Variants in NAV2 observed in about 807,000 individuals in gnomAD.
NAV2 encodes neuron navigator 2.
In NAV2, 54 loss-of-function variants were observed where a neutral mutation model predicts 223.2. The ratio of observed to expected loss-of-function variants is 0.24; its 90% CI spans 0.19 to 0.30. The LOEUF (loss-of-function observed/expected upper bound fraction) is 0.30, where lower values mean the gene tolerates loss of function less well. Ranked by LOEUF, NAV2 falls within the 10% of genes least tolerant of loss-of-function variation. The probability of loss-of-function intolerance (pLI) is 1.00; values close to 1 mark genes in which losing one functional copy is unlikely to be tolerated. For missense variants in NAV2, 2,806 were observed against 3,147.5 expected (o/e 0.89, Z 2.60); for synonymous variants, 1,279 against 1,239.3 (o/e 1.03, Z -0.67).
chr11:19,361,501 G>T (rs1853939616), intron 1 of NAV2, among the ~76,000 whole-genome samples: 1 of 151,998 alleles, frequency 6.6e-6, no homozygotes, highest in Non-Finnish European at 1.5e-5. Flanking sequence ...TTGCTTTTGG[G>T]GATGGGGGGA....
Position 19,992,568 on chromosome 11 carries a change from C to T in NAV2, c.2768+8321C>T, listed in dbSNP as rs563507233. On this transcript the variant is annotated intron_variant, in intron 11 of 37. Coordinates refer to ENST00000349880, the MANE Select transcript of NAV2 (RefSeq NM_145117.5). The stretch of plus-strand genomic sequence containing the variant: ...ACCTGAGGGTCAGAGAGAGTATAAT[C>T]ATGCTCCTGAAGTACTTTTTTTTTT... 7.4e-5 allele frequency among the ~76,000 whole-genome samples: 11 copies of T among 148,528 alleles called. No individual in the cohort carries two copies. In the South Asian group the frequency reaches 2.4e-3, roughly 32 times the overall value.
rs1700154767 is a variant in NAV2, at chr11:20,082,742, C to G, written c.5326-265C>G. On this transcript the variant is annotated intron_variant, in intron 25 of 37. Transcript: ENST00000349880. ...TCTTCCCAACATCCATCTGCTGAGC[C>G]AGACTCTGTGTTGCTGTTGGCATCT... 3 of 955,988 alleles carry G rather than the reference C, an allele frequency of 3.1e-6. No individual in the cohort carries two copies. In the South Asian group the frequency reaches 4.3e-5, roughly 14 times the overall value. 59.2% of individuals were successfully genotyped at this position (955,988 alleles called of 1,614,324 possible).
At chr11:20,027,407 T>C (rs35768742) in intron 11 of NAV2, 28,358 of 985,490 alleles carry the variant, frequency 0.029, 448 homozygotes, top group East Asian at 0.048. Context: ...GCGGGGGGCA[T>C]GGGCCAGCCC....
chr11:19,349,965 C>G (rs188860494), upstream of NAV2, among the ~76,000 whole-genome samples: 1 of 152,090 alleles, frequency 6.6e-6, no homozygotes, highest in Non-Finnish European at 1.5e-5. Context: ...CCCTGAGGAC[C>G]CTGGTGTCTC....
intron 1 of NAV2, among the ~76,000 whole-genome samples, chr11:19,719,114 T>C (rs2050549756): frequency 6.6e-6 from 1 of 152,214 alleles, no homozygotes; most frequent in Non-Finnish European, 1.5e-5. Context: ...CCAGTGGAAC[T>C]CTTGGAACCA....
rs147417218 is a variant in NAV2 at position 19,943,593 on chromosome 11, G to A, written c.2147-2808G>A. ...CTATCTCAGAAGAAAAGTTAATTCT[G>A]TTATATTTCTTAGCTGCCTTGTCCC... is the stretch of plus-strand genomic sequence containing the variant. On this transcript the variant is annotated intron_variant, in intron 8 of 37. Coordinates refer to ENST00000349880, the MANE Select transcript of NAV2 (RefSeq NM_145117.5). Among the ~76,000 whole-genome samples, 191 of 152,224 alleles carry A rather than the reference G, an allele frequency of 1.3e-3. 2 individuals are homozygous for A. The Middle Eastern group carries it at 0.017, about 14-fold the overall frequency.
intron 10 of NAV2, among the ~76,000 whole-genome samples, chr11:19,979,815 A>C (rs1214177172): frequency 6.6e-6 from 1 of 152,182 alleles, no homozygotes; most frequent in Non-Finnish European, 1.5e-5. Flanking sequence ...CAATCCTATG[A>C]GGGAACTTAA....
chr11:19,876,358 A>G (rs1185796243), intron 4 of NAV2, among the ~76,000 whole-genome samples: 1 of 152,164 alleles, frequency 6.6e-6, no homozygotes, highest in East Asian at 1.9e-4. Flanking sequence ...ATTAACTTTC[A>G]TAACAATCCT....
chr11:19,651,735 T>C lies in NAV2; in HGVS notation c.76-180749T>C, dbSNP rs537927765. 9.2e-5 allele frequency among the ~76,000 whole-genome samples: 14 copies of C among 152,374 alleles called. No homozygotes were observed. In the South Asian group the frequency reaches 2.9e-3, roughly 32 times the overall value. On this transcript the variant is annotated intron_variant, in intron 1 of 37. Coordinates refer to the NAV2 transcript ENST00000360655. The stretch of plus-strand genomic sequence containing the variant: ...GCTCAATGCATGGAAACTTGTTTTA[T>C]AATTTGAATTATTACCAATCCTGAC...
rs117910887 is a variant in NAV2, at chr11:19,441,562, C to G, written c.75+90535C>G. 2.6e-5 allele frequency among the ~76,000 whole-genome samples: 4 copies of G among 152,244 alleles called. No homozygotes were observed. In the East Asian group the frequency reaches 7.7e-4, roughly 29 times the overall value. On this transcript the variant is annotated intron_variant, in intron 1 of 37. Transcript: ENST00000360655. ...TTCAGAGAAGACTGAAGTCATTGCA[C>G]GTCATTTCTTCCTAATCTTTTAGAA...
chr11:19,618,359 T>TGGAC, intron 1 of NAV2, among the ~76,000 whole-genome samples: 1 of 88,978 alleles, frequency 1.1e-5, no homozygotes, highest in Non-Finnish European at 2.3e-5. Context: ...GATTGCTGGA[T>TGGAC]GGATGGATGG....
chr11:20,061,584 A>C (rs1350655621), intron 19 of NAV2, among the ~76,000 whole-genome samples: 2 of 151,976 alleles, frequency 1.3e-5, no homozygotes, highest in East Asian at 3.9e-4. Context: ...AAAAAAAAAA[A>C]AGATGTCTCC....
At chr11:19,968,702 C>A (rs2048975702) in intron 10 of NAV2, among the ~76,000 whole-genome samples, 1 of 152,206 alleles carries the variant, frequency 6.6e-6, no homozygotes, top group African/African-American at 2.4e-5. Context: ...AAGTCAGATA[C>A]CCCATTATTT....
chr11:20,112,460 C>T (rs7111499), intron 36 of NAV2, among the ~76,000 whole-genome samples: 15,991 of 152,120 alleles, frequency 0.11, 1,328 homozygotes, highest in African/African-American at 0.24. Flanking sequence ...GAGATGGGCC[C>T]ATCTGAGAAG....
intron 1 of NAV2, among the ~76,000 whole-genome samples, chr11:19,443,764 C>T (rs1487054173): frequency 6.6e-6 from 1 of 152,202 alleles, no homozygotes; most frequent in African/African-American, 2.4e-5. Context: ...AAATTCTTCA[C>T]ATCTTCTAAA....
At chr11:19,768,221 G>A (rs975785432) in intron 1 of NAV2, among the ~76,000 whole-genome samples, 6 of 152,184 alleles carry the variant, frequency 3.9e-5, no homozygotes, top group Non-Finnish European at 7.3e-5. Flanking sequence ...TCTCTGAAGG[G>A]CAGGCTGTTT....
chr11:19,922,696 G>A (rs1229457731), intron 6 of NAV2, among the ~76,000 whole-genome samples: 4 of 152,118 alleles, frequency 2.6e-5, no homozygotes, highest in Admixed American at 2.0e-4. Flanking sequence ...GTCATTACCT[G>A]CCCACGGTTC....
chr11:19,499,322 T>C (rs1472712118), intron 1 of NAV2, among the ~76,000 whole-genome samples: 1 of 152,160 alleles, frequency 6.6e-6, no homozygotes, highest in Admixed American at 6.5e-5. Context: ...TAGAGGGTTG[T>C]TGTTGTTGTT....
intron 1 of NAV2, among the ~76,000 whole-genome samples, chr11:19,704,311 G>C (rs1322329753): frequency 6.6e-6 from 1 of 152,174 alleles, no homozygotes; most frequent in Non-Finnish European, 1.5e-5. Flanking sequence ...CAGGAGTGCT[G>C]TGGGGATTCA....
Sources: gnomAD v4.1 joint callset for allele counts (sites outside exome capture counted in the v4.1 genomes callset) on GRCh38, gnomAD v4.1.1 for gene constraint, MANE v1.5 for transcripts, NCBI Gene and HGNC (gene_info 2026-07-23, HGNC 2026-07-21) for gene names.